The following SLC26A11 variants were observed in gnomAD, a reference collection of about 807,000 sequenced individuals.
SLC26A11 encodes the protein solute carrier family 26 member 11.
Under a neutral mutation model 62.2 loss-of-function variants are expected in SLC26A11, and 58 were observed. The ratio of observed to expected loss-of-function variants is 0.93; its 90% CI spans 0.76 to 1.16. SLC26A11 has a LOEUF of 1.16. SLC26A11 is among the 50% of genes most tolerant of loss of function. SLC26A11 has a pLI of 0.00. For missense variants in SLC26A11, 790 were observed against 794.3 expected (o/e 0.99, Z 0.06); for synonymous variants, 411 against 368.9 (o/e 1.11, Z -1.31).
At chr17:80,247,107 T>C (rs1294041078) in intron 13 of SLC26A11, among the ~76,000 whole-genome samples, 1 of 151,472 alleles carries the variant, frequency 6.6e-6, no homozygotes, top group African/African-American at 2.4e-5. Flanking sequence ...CATTCTTGGG[T>C]GTTTCTTGCA....
At chr17:80,248,401 T>C in intron 14 of SLC26A11, 144 bp downstream of exon 14, 1 of 1,336,144 alleles carries the variant, frequency 7.5e-7, no homozygotes, top group Non-Finnish European at 1.0e-6. Flanking sequence ...GTCACCTTGC[T>C]ATAAACCATG....
chr17:80,239,452 T>G (rs1367163704), intron 9 of SLC26A11, among the ~76,000 whole-genome samples: 2 of 148,960 alleles, frequency 1.3e-5, no homozygotes, highest in Non-Finnish European at 3.0e-5. Flanking sequence ...TGCAGTGGCG[T>G]GATCTCGGCT....
Position 80,237,513 on chromosome 17 carries a change from CT to C in SLC26A11, c.913-8del. The C allele has an allele frequency of 6.2e-7, 1 of 1,607,686 alleles. No homozygotes were observed. The highest frequency in any genetic ancestry group is 8.5e-7 in the Non-Finnish European group (1 of 1,177,356). ...GAAGGTCACTCACCATCCCTCTCTC[CT>C]CTCTCAGGACATGGGAGCCGGGCTG... On this transcript the variant is annotated splice_region_variant and splice_polypyrimidine_tract_variant and intron_variant, in intron 8 of 17. Coordinates refer to ENST00000361193, the MANE Select transcript of SLC26A11 (RefSeq NM_001166347.2).
chr17:80,225,092 G>A (rs544416541), intron 5 of SLC26A11, among the ~76,000 whole-genome samples: 329 of 152,208 alleles, frequency 2.2e-3, no homozygotes, highest in Non-Finnish European at 3.6e-3. Flanking sequence ...TCCCAGCTAC[G>A]TGGGAGGCCG....
At chr17:80,244,788 C>T (rs898506010) in intron 10 of SLC26A11, among the ~76,000 whole-genome samples, 1 of 152,040 alleles carries the variant, frequency 6.6e-6, no homozygotes, top group Non-Finnish European at 1.5e-5. Flanking sequence ...CCAGCCTGGC[C>T]AACATGGCAA....
chr17:80,234,746 C>CT (rs1234040555), intron 7 of SLC26A11, among the ~76,000 whole-genome samples: 3 of 151,474 alleles, frequency 2.0e-5, no homozygotes, highest in South Asian at 2.1e-4. Flanking sequence ...ACATTTTAGT[C>CT]TTTTTTTTCT....
rs2042224002 is a variant in SLC26A11 at position 80,222,028 on chromosome 17, C to T, written c.234+234C>T. On this transcript the variant is annotated intron_variant, in intron 3 of 17. Transcript: ENST00000361193. This position sits in a 1 kb window ranked among gnomAD's most constrained non-coding sequence, Gnocchi z 4.7. ...GGCCAGCGAGATGACTCATGGAGGCCTCAGGAGTTCAAGACCAGCCCGACC... is the reference window on the plus strand; with the variant it reads ...GGCCAGCGAGATGACTCATGGAGGCTTCAGGAGTTCAAGACCAGCCCGACC... The T allele has an allele frequency of 5.8e-6, 3 of 519,556 alleles. No individual in the cohort carries two copies. Among genetic ancestry groups the T allele is most frequent in the Non-Finnish European group, 1.0e-5 (3 of 299,144 alleles). 32.2% of individuals were successfully genotyped at this position (519,556 alleles called of 1,614,324 possible). A position where few individuals can be genotyped will look rare whatever the true frequency, so the allele number is the denominator to read the frequency against.
At chr17:80,242,269 G>A (rs752292842) in intron 10 of SLC26A11, among the ~76,000 whole-genome samples, 2 of 152,150 alleles carry the variant, frequency 1.3e-5, no homozygotes, top group Non-Finnish European at 2.9e-5. Flanking sequence ...GAGCTACTGC[G>A]CCTGGCTCTT....
chr17:80,246,767 G>A lies in SLC26A11; in HGVS notation c.1294+118G>A. 2.2e-6 allele frequency: 3 copies of A among 1,337,256 alleles called. No individual in the cohort carries two copies. The highest frequency in any genetic ancestry group is 2.0e-6 in the Non-Finnish European group (2 of 982,410). 82.8% of individuals were successfully genotyped at this position (1,337,256 alleles called of 1,614,324 possible). ...CTGTGGGGCTGGGACTGGGAAGTTA[G>A]GGCAGTCCCGGAACAGAGAAGTGGA... On this transcript the variant is annotated intron_variant, in intron 13 of 17. Coordinates refer to ENST00000361193, the MANE Select transcript of SLC26A11 (RefSeq NM_001166347.2). This position sits in a 1 kb window ranked among gnomAD's most constrained non-coding sequence, Gnocchi z 4.4.
At position 80,252,758 on chromosome 17, in the gene SLC26A11, G is replaced by A. The variant is rs763515229; in HGVS notation, c.*42G>A. 2.3e-5 allele frequency: 36 copies of A among 1,568,256 alleles called. No individual in the cohort carries two copies. The highest frequency in any genetic ancestry group is 3.1e-5 in the Non-Finnish European group (36 of 1,142,870). On this transcript the variant is annotated 3_prime_UTR_variant, in exon 18 of 18. Transcript: ENST00000361193. The surrounding 1 kb of genome is among the most constrained non-coding windows in gnomAD (Gnocchi z 5.2). ...CATCCACAGTTTGCAGGGTGTTCCGGAAGGTTCTTGTCACTGTGATTGGAT... is the reference window on the plus strand; with the variant it reads ...CATCCACAGTTTGCAGGGTGTTCCGAAAGGTTCTTGTCACTGTGATTGGAT...
intron 5 of SLC26A11, among the ~76,000 whole-genome samples, chr17:80,224,166 G>GGAGAGTGTGTGTGA (rs56734753): frequency 0.22 from 32,257 of 149,628 alleles, 6,013 homozygotes; most frequent in African/African-American, 0.51. Context: ...ACCAAGGACA[G>GGAGAGTGTGTGTGA]GAGAGTGTGT....
chr17:80,224,400 T>G (rs12941111), intron 5 of SLC26A11, among the ~76,000 whole-genome samples: 1 of 145,214 alleles, frequency 6.9e-6, no homozygotes, highest in African/African-American at 2.6e-5. Context: ...AGTGTATGAG[T>G]GTGAGAGTGA....
Position 80,236,869 on chromosome 17 carries a change from C to T in SLC26A11, c.737-59C>T, listed in dbSNP as rs545361746. The T allele has an allele frequency of 1.0e-5, 16 of 1,546,190 alleles. 1 individual carries two copies. The highest frequency in any genetic ancestry group is 9.6e-5 in the South Asian group (8 of 83,326). On this transcript the variant is annotated intron_variant, in intron 7 of 17. Transcript: ENST00000361193. ...TCTGCCCCAGTAACCTGGAGGCAGC[C>T]GCGCTACCCCACACTCGCCGGGAGC...
chr17:80,251,376 G>A lies in SLC26A11; in HGVS notation c.1704G>A (p.Gln568=), dbSNP rs76203432. The change falls in exon 17 of 18, where the codon CAG becomes CAA. Residue 568 remains glutamine, a synonymous_variant. Transcript: ENST00000361193. ...VLLSADLKGF[Q]YFSTLEEAEK... is the part of the protein sequence containing the mutation. ...TGTCCGCTGACCTGAAGGGGTTCCA[G>A]TACTTCTCTACCCTGGAAGAAGCAG... 1 of 1,614,124 alleles carries A rather than the reference G, an allele frequency of 6.2e-7. No individual in the cohort carries two copies. The highest frequency in any genetic ancestry group is 8.5e-7 in the Non-Finnish European group (1 of 1,179,998).
chr17:80,238,820 G>GTT (rs1366044421), intron 9 of SLC26A11, among the ~76,000 whole-genome samples: 877 of 87,272 alleles, frequency 0.01, 71 homozygotes, highest in Non-Finnish European at 0.013. Flanking sequence ...AGTTTTTTTT[G>GTT]TTTTTTGTTT....
rs755714023 is a variant in SLC26A11, at chr17:80,227,947, G to C, written c.723G>C (p.Trp241Cys). 1 of 1,600,216 alleles carries C rather than the reference G, an allele frequency of 6.2e-7. No homozygotes were observed. Among genetic ancestry groups the C allele is most frequent in the Admixed American group, 1.7e-5 (1 of 59,978 alleles). ...TGCGGCTCAGCCGTGGGCTGGTCTG[G>C]GCTGCCACGACAGGTGAGGGGCCTC... The part of the protein sequence containing the change: ...PGVRLSRGLV[W>C]AATTARNALV... Residue 241 changes from tryptophan to cysteine, a missense_variant, in exon 7 of 18, where the codon TGG becomes TGC. Transcript: ENST00000361193.
intron 3 of SLC26A11, 126 bp downstream of exon 3, chr17:80,221,920 AGT>A: frequency 1.0e-6 from 1 of 1,003,632 alleles, no homozygotes; most frequent in Non-Finnish European, 1.4e-6. Context: ...TTTGGTTTAC[AGT>A]GTGTGACGCA....
chr17:80,225,751 C>A (rs1032266455), intron 5 of SLC26A11, 86 bp from the exon 6 acceptor site: 11 of 1,201,744 alleles, frequency 9.2e-6, no homozygotes, highest in Non-Finnish European at 1.2e-5. Flanking sequence ...ACTGTCTCAG[C>A]CCTAGGGGAG....
intron 8 of SLC26A11, 110 bp from the exon 9 acceptor site, chr17:80,237,412 C>G (rs1251933859): frequency 9.7e-7 from 1 of 1,025,700 alleles, no homozygotes; most frequent in South Asian, 1.6e-5. Context: ...AGCTGACAAG[C>G]ACTTGCTCCT....
Sources: gnomAD v4.1 joint callset for allele counts (sites outside exome capture counted in the v4.1 genomes callset) on GRCh38, gnomAD v4.1.1 for gene constraint, Gnocchi (gnomAD v3.1) non-coding constraint, MANE v1.5 for transcripts, NCBI Gene and HGNC (gene_info 2026-07-23, HGNC 2026-07-21) for gene names.